ANKFN1: variants seen among roughly 807,000 people sequenced by gnomAD.
ANKFN1 encodes ankyrin repeat and fibronectin type-III domain-containing protein 1.
Under a neutral mutation model 108.7 loss-of-function variants are expected in ANKFN1, and 74 were observed. The ratio of observed to expected loss-of-function variants is 0.68; its 90% CI spans 0.56 to 0.83. The LOEUF (loss-of-function observed/expected upper bound fraction) is 0.83, where lower values mean the gene tolerates loss of function less well. ANKFN1 is among the 40% of genes least tolerant of loss of function. ANKFN1 has a pLI of 0.00. For missense variants in ANKFN1, 1,505 were observed against 1,382.3 expected, an observed-to-expected ratio of 1.09 and a Z score of -1.41; for synonymous variants, 547 against 516.2, an observed-to-expected ratio of 1.06 and a Z score of -0.81.
At chr17:56,320,882 C>G (rs141243223) in intron 3 of ANKFN1, among the ~76,000 whole-genome samples, 187 of 152,182 alleles carry the variant, frequency 1.2e-3, no homozygotes, top group African/African-American at 4.2e-3. Flanking sequence ...TGGGCCATCT[C>G]TTTTCGAAGA....
intron 4 of ANKFN1, among the ~76,000 whole-genome samples, chr17:56,103,668 G>T (rs1905690415): frequency 6.6e-6 from 1 of 152,204 alleles, no homozygotes. Context: ...TCAAGACTGT[G>T]TCTCAGGCTG....
At chr17:56,174,853 G>T (rs1413407289) in intron 1 of ANKFN1, among the ~76,000 whole-genome samples, 2 of 152,202 alleles carry the variant, frequency 1.3e-5, no homozygotes, top group East Asian at 3.9e-4. Flanking sequence ...TAACCCTGGG[G>T]ATTTGAGAGG....
At chr17:56,326,093 C>T (rs1388883598) in intron 3 of ANKFN1, 128 bp from the exon 4 acceptor site, 4 of 1,292,442 alleles carry the variant, frequency 3.1e-6, no homozygotes, top group South Asian at 1.5e-5. Context: ...CTGAGCCAAG[C>T]TGTTTACTTC....
intron 20 of ANKFN1, among the ~76,000 whole-genome samples, chr17:56,505,472 T>A (rs568110727): frequency 6.6e-6 from 1 of 152,328 alleles, no homozygotes; most frequent in East Asian, 1.9e-4. Flanking sequence ...CTATATGATC[T>A]GGGAAATACA....
intron 19 of ANKFN1, among the ~76,000 whole-genome samples, chr17:56,498,018 T>G (rs1197128906): frequency 6.6e-6 from 1 of 152,100 alleles, no homozygotes; most frequent in Non-Finnish European, 1.5e-5. Flanking sequence ...AAAATCTGAG[T>G]GAATTTTATG....
At chr17:56,354,658 G>T (rs1370849935) in intron 6 of ANKFN1, among the ~76,000 whole-genome samples, 2 of 152,158 alleles carry the variant, frequency 1.3e-5, no homozygotes, top group Non-Finnish European at 2.9e-5. Context: ...TTTAAATAGG[G>T]TTGATACCCA....
At chr17:56,485,399 A>G (rs1450371958) in intron 18 of ANKFN1, among the ~76,000 whole-genome samples, 1 of 152,226 alleles carries the variant, frequency 6.6e-6, no homozygotes, top group African/African-American at 2.4e-5. Context: ...CAGTAAGTGC[A>G]AAGGCCTTAG....
chr17:56,391,457 C>T (rs548913636), intron 8 of ANKFN1, among the ~76,000 whole-genome samples: 74 of 150,552 alleles, frequency 4.9e-4, no homozygotes, highest in Non-Finnish European at 1.2e-4. Context: ...GTGACAGTCT[C>T]GCTCTGTCAC....
intron 8 of ANKFN1, among the ~76,000 whole-genome samples, chr17:56,385,301 C>T (rs1245485853): frequency 6.6e-6 from 1 of 152,156 alleles, no homozygotes; most frequent in Non-Finnish European, 1.5e-5. Context: ...CTTCCTTACA[C>T]CTTATATAAA....
intron 4 of ANKFN1, among the ~76,000 whole-genome samples, chr17:56,074,609 C>G (rs1275877315): frequency 2.0e-5 from 3 of 152,196 alleles, no homozygotes; most frequent in Admixed American, 2.0e-4. Context: ...GAAATTCCAA[C>G]TGTTGCATGA....
chr17:56,343,963 T>G (rs2046029646), intron 4 of ANKFN1, among the ~76,000 whole-genome samples: 1 of 152,016 alleles, frequency 6.6e-6, no homozygotes, highest in Non-Finnish European at 1.5e-5. Context: ...TGGCAAGACA[T>G]CATTCTCAGA....
chr17:56,064,756 C>T (rs1397085817), intron 4 of ANKFN1, among the ~76,000 whole-genome samples: 1 of 152,240 alleles, frequency 6.6e-6, no homozygotes, highest in Non-Finnish European at 1.5e-5. Context: ...CTTGTTGCCC[C>T]TCCCCCCAGG....
chr17:56,192,042 C>A lies in ANKFN1; in HGVS notation c.-70-20556C>A, dbSNP rs182741752. On this transcript the variant is annotated intron_variant, in intron 1 of 20. Transcript: ENST00000682825. ...GCTTCTGCATTCTTCACGTAGTTCT[C>A]GAGCCTTGGTTTTCAGCTCAATGCA... 4.6e-5 allele frequency among the ~76,000 whole-genome samples: 7 copies of A among 152,198 alleles called. No homozygotes were observed. The East Asian group carries it at 1.4e-3, about 29-fold the overall frequency.
At chr17:56,420,960 G>A (rs533131845) in intron 8 of ANKFN1, among the ~76,000 whole-genome samples, 3 of 152,028 alleles carry the variant, frequency 2.0e-5, no homozygotes, top group Non-Finnish European at 4.4e-5. Context: ...CGCCCGCCTC[G>A]GCCTCCCAAA....
chr17:56,145,880 T>A (rs1908225123), intron 4 of ANKFN1, among the ~76,000 whole-genome samples: 1 of 152,046 alleles, frequency 6.6e-6, no homozygotes, highest in Non-Finnish European at 1.5e-5. Context: ...TTGCCTGAGG[T>A]CTTAACTCAT....
chr17:56,074,262 C>T (rs1262957380), intron 4 of ANKFN1, among the ~76,000 whole-genome samples: 1 of 152,218 alleles, frequency 6.6e-6, no homozygotes. Context: ...GGCATGTCAA[C>T]TCACCTGGCA....
At chr17:56,410,008 T>G (rs1163974917) in intron 8 of ANKFN1, among the ~76,000 whole-genome samples, 1 of 152,204 alleles carries the variant, frequency 6.6e-6, no homozygotes, top group African/African-American at 2.4e-5. Context: ...AGAGTACTAT[T>G]AAGCAGAAGA....
intron 4 of ANKFN1, among the ~76,000 whole-genome samples, chr17:56,049,532 C>A (rs886188601): frequency 1.3e-5 from 2 of 151,708 alleles, no homozygotes; most frequent in Admixed American, 1.3e-4. Context: ...CCAATGCTAT[C>A]CCTCCCCCTT....
At chr17:56,256,394 T>C (rs1028215689) in intron 3 of ANKFN1, among the ~76,000 whole-genome samples, 2 of 152,228 alleles carry the variant, frequency 1.3e-5, no homozygotes, top group African/African-American at 4.8e-5. Context: ...TGTCTAGTTC[T>C]CTGTCCTCAT....
Sources: gnomAD v4.1 joint callset for allele counts (sites outside exome capture counted in the v4.1 genomes callset) on GRCh38, gnomAD v4.1.1 for gene constraint, MANE v1.5 for transcripts, NCBI Gene and HGNC (gene_info 2026-07-23, HGNC 2026-07-21) for gene names.